AP3B1: variants seen among roughly 807,000 people sequenced by gnomAD.
The protein encoded by AP3B1 is adaptor related protein complex 3 subunit beta 1, also known as AP-3 complex subunit beta-1.
In AP3B1, 61 loss-of-function variants were observed where a neutral mutation model predicts 132.5. The observed-to-expected ratio is 0.46, with a 90% CI of 0.37 to 0.57. AP3B1 has a LOEUF of 0.57. Among genes scored for constraint, AP3B1 ranks in the 20% least tolerant of loss-of-function variants. The probability of loss-of-function intolerance (pLI) is 0.00; values close to 1 mark genes in which losing one functional copy is unlikely to be tolerated. For synonymous variants in AP3B1, 388 were observed against 438.3 expected, an observed-to-expected ratio of 0.89 and a Z score of 1.43; for missense variants, 1,120 against 1,289.4, an observed-to-expected ratio of 0.87 and a Z score of 2.01.
chr5:78,198,490 G>A (rs769555694), intron 7 of AP3B1, among the ~76,000 whole-genome samples: 4 of 152,106 alleles, frequency 2.6e-5, no homozygotes, highest in Non-Finnish European at 4.4e-5. Context: ...GTGGAAGAGA[G>A]GAAGCAAGCT....
chr5:78,093,619 T>G (rs1272094599), intron 21 of AP3B1, among the ~76,000 whole-genome samples: 2 of 152,222 alleles, frequency 1.3e-5, no homozygotes, highest in African/African-American at 2.4e-5. Context: ...CCTTAAGATT[T>G]AAGAATAAGA....
intron 1 of AP3B1, among the ~76,000 whole-genome samples, chr5:78,275,562 G>T (rs950357082): frequency 1.3e-5 from 2 of 151,906 alleles, no homozygotes; most frequent in Non-Finnish European, 2.9e-5. Context: ...TGCAACCTCC[G>T]CCTCCCGGGT....
intron 15 of AP3B1, among the ~76,000 whole-genome samples, chr5:78,137,410 C>T (rs1752966389): frequency 6.6e-6 from 1 of 152,166 alleles, no homozygotes; most frequent in Admixed American, 6.5e-5. Flanking sequence ...CTGACTCTCT[C>T]CTTTCTACTA....
chr5:78,291,576 C>T lies in AP3B1; in HGVS notation c.128+2876G>A, dbSNP rs151005917. 4.5e-3 allele frequency among the ~76,000 whole-genome samples: 684 copies of T among 152,066 alleles called. 7 individuals are homozygous for T. Among genetic ancestry groups the T allele is most frequent in the African/African-American group, 0.016 (656 of 41,488 alleles). ...TATGGTAGTATCCCAGCCAAGGATA[C>T]ATAACCTGAATCTAAACATGAGGAA... is the stretch of plus-strand genomic sequence containing the variant. On this transcript the variant is annotated intron_variant, in intron 1 of 26. Coordinates refer to ENST00000255194, the MANE Select transcript of AP3B1 (RefSeq NM_003664.5).
chr5:78,213,186 C>T (rs901788520), intron 7 of AP3B1, among the ~76,000 whole-genome samples: 1 of 152,028 alleles, frequency 6.6e-6, no homozygotes. Flanking sequence ...GCCTCGTCTG[C>T]CAACTTCTAA....
intron 17 of AP3B1, among the ~76,000 whole-genome samples, chr5:78,126,650 A>C (rs1483991401): frequency 1.3e-5 from 2 of 152,098 alleles, no homozygotes; most frequent in Non-Finnish European, 2.9e-5. Context: ...ATATTTTTAC[A>C]TATTACTACT....
intron 15 of AP3B1, among the ~76,000 whole-genome samples, chr5:78,135,703 G>A (rs1752883535): frequency 6.6e-6 from 1 of 152,064 alleles, no homozygotes; most frequent in Non-Finnish European, 1.5e-5. Flanking sequence ...TTAACTTATA[G>A]CACTTATCAC....
chr5:78,230,727 C>A (rs1033417458), intron 3 of AP3B1, among the ~76,000 whole-genome samples: 1 of 152,174 alleles, frequency 6.6e-6, no homozygotes, highest in Admixed American at 6.5e-5. Flanking sequence ...AATAAAGAGT[C>A]CTAGTAGATA....
chr5:78,018,003 A>C (rs1422747741), intron 25 of AP3B1, among the ~76,000 whole-genome samples: 1 of 151,874 alleles, frequency 6.6e-6, no homozygotes, highest in Non-Finnish European at 1.5e-5. Flanking sequence ...GAAAATGAAT[A>C]AAAATTCAAA....
chr5:78,294,228 G>C (rs1749655544), intron 1 of AP3B1, among the ~76,000 whole-genome samples: 1 of 152,102 alleles, frequency 6.6e-6, no homozygotes, highest in South Asian at 2.1e-4. Flanking sequence ...TTTCACTAAA[G>C]TTTGAAAACT....
intron 3 of AP3B1, among the ~76,000 whole-genome samples, chr5:78,231,251 G>A (rs1746639396): frequency 6.6e-6 from 1 of 152,052 alleles, no homozygotes; most frequent in Admixed American, 6.5e-5. Context: ...GCGACTTACT[G>A]CAACCTCCGC....
At chr5:78,293,040 G>C (rs1306655449) in intron 1 of AP3B1, among the ~76,000 whole-genome samples, 1 of 151,860 alleles carries the variant, frequency 6.6e-6, no homozygotes, top group African/African-American at 2.4e-5. Context: ...CACCACGCCC[G>C]GCTAATTTTT....
At chr5:78,096,608 C>T (rs1274335346) in intron 21 of AP3B1, among the ~76,000 whole-genome samples, 5 of 150,318 alleles carry the variant, frequency 3.3e-5, no homozygotes, top group African/African-American at 9.8e-5. Flanking sequence ...ATGTGGGGAG[C>T]GCCTTTGCCC....
rs1318435844 is a variant in AP3B1, at chr5:78,060,681, A to T, written c.2578-21407T>A. ...GATAGGACTCAAAACTGACATCATG[A>T]CTTATTTTTTTATTTGCCACAGCTC... On this transcript the variant is annotated intron_variant, in intron 22 of 26. Transcript: ENST00000255194. Among the ~76,000 whole-genome samples the T allele has an allele frequency of 5.3e-5, 8 of 152,232 alleles. 1 individual carries two copies. In the East Asian group the frequency reaches 1.5e-3, roughly 29 times the overall value.
At chr5:78,129,448 T>A (rs1752601403) in intron 15 of AP3B1, 141 bp from the exon 16 acceptor site, 2 of 770,180 alleles carry the variant, frequency 2.6e-6, no homozygotes, top group African/African-American at 3.4e-5. Context: ...ACATTTCTAA[T>A]GCTGCAAATG....
At chr5:78,027,217 T>C (rs568128886) in intron 24 of AP3B1, among the ~76,000 whole-genome samples, 2 of 152,002 alleles carry the variant, frequency 1.3e-5, no homozygotes, top group African/African-American at 2.4e-5. Flanking sequence ...AATACTTTTA[T>C]AGTTTTTTAT....
At chr5:78,004,936 A>G (rs1746329791) in intron 26 of AP3B1, among the ~76,000 whole-genome samples, 3 of 152,228 alleles carry the variant, frequency 2.0e-5, no homozygotes, top group Non-Finnish European at 4.4e-5. Flanking sequence ...CCTCAATTTC[A>G]TCTTTGAGAA....
intron 17 of AP3B1, among the ~76,000 whole-genome samples, chr5:78,119,027 G>A (rs1422578468): frequency 6.6e-6 from 1 of 152,186 alleles, no homozygotes; most frequent in African/African-American, 2.4e-5. Context: ...AATATCCGCT[G>A]TTCTATAGCC....
chr5:78,193,743 TTTATA>T (rs1360433775), intron 7 of AP3B1, among the ~76,000 whole-genome samples: 4 of 49,688 alleles, frequency 8.1e-5, no homozygotes, highest in African/African-American at 2.3e-4. Flanking sequence ...TATATATTTT[TTTATA>T]TATATATATA....
Sources: gnomAD v4.1 joint callset for allele counts (sites outside exome capture counted in the v4.1 genomes callset) on GRCh38, gnomAD v4.1.1 for gene constraint, MANE v1.5 for transcripts, NCBI Gene and HGNC (gene_info 2026-07-23, HGNC 2026-07-21) for gene names.